The following PSMG4 variants were observed in gnomAD, a reference collection of about 807,000 sequenced individuals.
The protein encoded by PSMG4 is proteasome assembly chaperone 4.
PSMG4 carries 10 observed loss-of-function variants against 11.0 expected under a neutral mutation model. That is an observed-to-expected ratio of 0.91 (90% CI 0.56 to 1.54). The LOEUF is 1.54. Ranked by LOEUF, PSMG4 falls within the 40% of genes most tolerant of loss-of-function variation. The pLI, the probability that PSMG4 is intolerant of heterozygous loss-of-function variation, is 0.00. For missense variants in PSMG4, 198 were observed against 160.9 expected, an observed-to-expected ratio of 1.23 and a Z score of -1.25; for synonymous variants, 95 against 71.3, an observed-to-expected ratio of 1.33 and a Z score of -1.68.
chr6:3,255,234 G>C (rs778257575), upstream of PSMG4: 167 of 1,549,310 alleles, frequency 1.1e-4, no homozygotes, highest in Middle Eastern at 2.9e-3. Context: ...ACTCTGGTAA[G>C]CCTTCCATGC....
chr6:3,260,285 A>G (rs890587488), intron 1 of PSMG4, among the ~76,000 whole-genome samples: 240 of 13,460 alleles, frequency 0.018, 10 homozygotes, highest in African/African-American at 0.062. Context: ...TTGTATATAT[A>G]TATATATTTT....
chr6:3,259,867 G>T (rs1189823889), intron 1 of PSMG4, among the ~76,000 whole-genome samples: 1 of 152,142 alleles, frequency 6.6e-6, no homozygotes, highest in South Asian at 2.1e-4. Flanking sequence ...GCGTGTCGCC[G>T]CCTGGTTTCT....
At chr6:3,254,625 T>C (rs1239495461), upstream of PSMG4, among the ~76,000 whole-genome samples, 2 of 152,004 alleles carry the variant, frequency 1.3e-5, no homozygotes, top group African/African-American at 4.8e-5. Context: ...CTTTAAGAGG[T>C]GTAACACTGA....
chr6:3,255,678 T>C (rs1172779395), upstream of PSMG4, among the ~76,000 whole-genome samples: 16 of 152,236 alleles, frequency 1.1e-4, no homozygotes, highest in African/African-American at 2.7e-4. Context: ...GTGATTTGTA[T>C]GAGATCCCTC....
At chr6:3,255,346 T>C, upstream of PSMG4, 1 of 1,455,244 alleles carries the variant, frequency 6.9e-7, no homozygotes, top group Non-Finnish European at 9.1e-7. Flanking sequence ...TCATTCTATG[T>C]AGTTGCTTAA....
intron 2 of PSMG4, chr6:3,266,038 T>C (rs4998908): frequency 0.83 from 125,746 of 151,478 alleles, 52,446 homozygotes; most frequent in Non-Finnish European, 0.87. Context: ...TTCATAGGTG[T>C]GTTGGCTGCT....
At chr6:3,266,289 G>A (rs1758179048) in intron 2 of PSMG4, 1 of 152,204 alleles carries the variant, frequency 6.6e-6, no homozygotes. Context: ...GGCAGCAACT[G>A]AAAGGACAGA....
chr6:3,255,038 A>C (rs777329097), upstream of PSMG4: 30 of 1,549,664 alleles, frequency 1.9e-5, no homozygotes, highest in East Asian at 2.4e-5. Flanking sequence ...GCGCTTTCTG[A>C]TTCTCTGGAC....
At chr6:3,264,438 G>A (rs1356084267) in intron 2 of PSMG4, 11 of 1,446,560 alleles carry the variant, frequency 7.6e-6, no homozygotes, top group Middle Eastern at 2.3e-4. Context: ...AGCTGCTTCT[G>A]CTCTGGAGTC....
rs564195904 is a variant in PSMG4, at chr6:3,259,701, T to G, written c.174+505T>G. On this transcript the variant is annotated intron_variant, in intron 1 of 2. Coordinates refer to ENST00000438998, the MANE Select transcript of PSMG4 (RefSeq NM_001128591.2). ...GTGCGTTCAGAGCCTCGCAGTTGTC[T>G]TTGATTCCTCTTTCTTCACACTCCA... 2.0e-5 allele frequency among the ~76,000 whole-genome samples: 3 copies of G among 152,292 alleles called. No individual in the cohort carries two copies. In the South Asian group the frequency reaches 6.2e-4, roughly 32 times the overall value.
At chr6:3,255,143 T>C (rs867798360), upstream of PSMG4, 2 of 1,550,980 alleles carry the variant, frequency 1.3e-6, no homozygotes, top group African/African-American at 1.4e-5. Context: ...GTCATTCTCT[T>C]TGAGGAGCAG....
At chr6:3,256,400 C>T (rs543087904), upstream of PSMG4, among the ~76,000 whole-genome samples, 1 of 152,200 alleles carries the variant, frequency 6.6e-6, no homozygotes, top group Non-Finnish European at 1.5e-5. Flanking sequence ...GTTCCCCACT[C>T]GAGAAGGACT....
chr6:3,263,622 A>G (rs1758074898), intron 1 of PSMG4, 62 bp from the exon 2 acceptor site: 1 of 1,383,960 alleles, frequency 7.2e-7, no homozygotes, highest in Non-Finnish European at 9.7e-7. Context: ...CCCGGAAGCC[A>G]GAAGTGTGGC....
chr6:3,258,998 TGTGGGCCGGGAGCC>T lies in PSMG4; in HGVS notation c.-19_-6del, dbSNP rs1757858585. 15 of 1,240,098 alleles carry T rather than the reference TGTGGGCCGGGAGCC, an allele frequency of 1.2e-5. No homozygotes were observed. The East Asian group carries it at 3.2e-4, about 26-fold the overall frequency. 76.8% of individuals were successfully genotyped at this position (1,240,098 alleles called of 1,614,324 possible). On this transcript the variant is annotated 5_prime_UTR_variant, in exon 1 of 3. Transcript: ENST00000438998. Reference sequence around the variant, plus strand: ...AGCGGCGAGGACCCGGGTCTGGCGCTGTGGGCCGGGAGCCGTGGGGCGGCATGGAGGGGCTGGTT... The same window carrying T: ...AGCGGCGAGGACCCGGGTCTGGCGCTGTGGGGCGGCATGGAGGGGCTGGTT...
At chr6:3,255,249 G>A, upstream of PSMG4, 3 of 1,548,396 alleles carry the variant, frequency 1.9e-6, no homozygotes, top group Non-Finnish European at 1.7e-6. Flanking sequence ...CCATGCTGTT[G>A]GGTTCTGTGT....
In PSMG4 at chr6:3,259,072, T is replaced by G. The variant is rs1757863394; in HGVS notation, c.50T>G (p.Phe17Cys). ...AAGGDVSLHN[F>C]SARLWEQLVH... Reference sequence around the variant, plus strand: ...GGCGGGGACGTCTCCCTGCACAACTTCAGCGCGAGGCTGTGGGAGCAGCTG... The same window carrying G: ...GGCGGGGACGTCTCCCTGCACAACTGCAGCGCGAGGCTGTGGGAGCAGCTG... Residue 17 changes from phenylalanine (F) to cysteine (C), a missense_variant, in exon 1 of 3, where the codon TTC (phenylalanine) becomes TGC (cysteine). Phe to Cys is a radical substitution (Grantham distance 205, BLOSUM62 -2). Transcript: ENST00000438998. The G allele has an allele frequency of 7.9e-7, 1 of 1,268,584 alleles. No individual in the cohort carries two copies. The highest frequency in any genetic ancestry group is 9.9e-7 in the Non-Finnish European group (1 of 1,005,238). The allele number at this position is 1,268,584 out of a possible 1,614,324, so 78.6% of individuals were successfully genotyped here.
At chr6:3,257,294 T>C (rs987052176), upstream of PSMG4, among the ~76,000 whole-genome samples, 1 of 152,176 alleles carries the variant, frequency 6.6e-6, no homozygotes, top group Non-Finnish European at 1.5e-5. Context: ...CATGACTGGC[T>C]GTGACCCTCT....
At position 3,267,601 on chromosome 6, in the gene PSMG4, CAACA is replaced by C; in HGVS notation, c.266_269del (p.Lys89ArgfsTer19). On this transcript the variant is annotated frameshift_variant, in exon 3 of 3. Coordinates refer to ENST00000438998, the MANE Select transcript of PSMG4 (RefSeq NM_001128591.2). LOFTEE classifies it high-confidence loss of function. The stretch of plus-strand genomic sequence containing the variant: ...GTTTTCTCTTTTTAGCCAGGAAGAC[CAACA>C]AACAGGTGTTTGTCAGCTATAACCT... 2 of 1,551,556 alleles carry C rather than the reference CAACA, an allele frequency of 1.3e-6. No individual in the cohort carries two copies. Among genetic ancestry groups the C allele is most frequent in the Non-Finnish European group, 8.7e-7 (1 of 1,146,882 alleles).
rs1758252881 is a variant in PSMG4, at chr6:3,267,741, C to T, written c.*29C>T. ...AGTGGCAGAAGTGAGAATTTGTAAACTTATGTACAATGTACGTGTAAATAA... is the reference window on the plus strand; with the variant it reads ...AGTGGCAGAAGTGAGAATTTGTAAATTTATGTACAATGTACGTGTAAATAA... On this transcript the variant is annotated 3_prime_UTR_variant, in exon 3 of 3. Coordinates refer to ENST00000438998, the MANE Select transcript of PSMG4 (RefSeq NM_001128591.2). 1 of 1,547,392 alleles carries T rather than the reference C, an allele frequency of 6.5e-7. No individual in the cohort carries two copies. Among genetic ancestry groups the T allele is most frequent in the Non-Finnish European group, 8.7e-7 (1 of 1,143,622 alleles).
Sources: gnomAD v4.1 joint callset for allele counts (sites outside exome capture counted in the v4.1 genomes callset) on GRCh38, gnomAD v4.1.1 for gene constraint, MANE v1.5 for transcripts, NCBI Gene and HGNC (gene_info 2026-07-23, HGNC 2026-07-21) for gene names.